The following ZC3H12B variants were observed in gnomAD, a reference collection of about 807,000 sequenced individuals.
ZC3H12B encodes zinc finger CCCH-type containing 12B, also known as probable ribonuclease ZC3H12B.
Under a neutral mutation model 43.9 loss-of-function variants are expected in ZC3H12B, and 7 were observed. The observed-to-expected ratio is 0.16, with a 90% confidence interval of 0.09 to 0.30. The LOEUF (loss-of-function observed/expected upper bound fraction) is 0.30. Ranked by LOEUF, ZC3H12B falls within the 10% of genes least tolerant of loss-of-function variation. The pLI is 1.00. For synonymous variants in ZC3H12B, 222 were observed against 241.7 expected, an observed-to-expected ratio of 0.92 and a Z score of 0.76; for missense variants, 475 against 670.2, an observed-to-expected ratio of 0.71 and a Z score of 3.22.
intron 3 of ZC3H12B, among the ~76,000 whole-genome samples, chrX:65,454,620 G>A (rs1310331147): frequency 1.8e-5 from 2 of 111,909 alleles, no homozygotes; most frequent in Non-Finnish European, 3.8e-5. Context: ...CTGACAGCTT[G>A]GAAGAGAGTA....
the ZC3H12B span, among the ~76,000 whole-genome samples, chrX:65,099,835 G>A: frequency 1.4e-3 from 156 of 111,531 alleles, 4 homozygotes; most frequent in East Asian, 0.043. Context: ...TCCTCCAAAT[G>A]ATTGCAACTC....
In ZC3H12B at chrX:65,465,913, CAT is replaced by C. The variant is rs1207068129; in HGVS notation, n.408-22724_408-22723del. Among the ~76,000 whole-genome samples the C allele has an allele frequency of 1.0e-4, 11 of 109,370 alleles. No individual in the cohort carries two copies. In the Admixed American group the frequency reaches 1.1e-3, roughly 11 times the overall value. 95.0% of individuals were successfully genotyped at this position (109,370 alleles called of 115,157 possible). A position where few individuals can be genotyped will look rare whatever the true frequency, so the allele number is the denominator to read the frequency against. On this transcript the variant is annotated intron_variant and non_coding_transcript_variant, in intron 3 of 5. Coordinates refer to the ZC3H12B transcript ENST00000617377. ...ATATATTTTTTTGATATAATATATT[CAT>C]ATATATATGTACACACACATTGTAA... is the stretch of plus-strand genomic sequence containing the variant.
the ZC3H12B span, among the ~76,000 whole-genome samples, chrX:65,303,352 G>A: frequency 3.9e-4 from 43 of 110,885 alleles, no homozygotes; most frequent in African/African-American, 4.9e-4. Flanking sequence ...GTGTACCGCC[G>A]AACCTAAAAT....
chrX:65,115,431 A>T, the ZC3H12B span, among the ~76,000 whole-genome samples: 1 of 111,252 alleles, frequency 9.0e-6, no homozygotes, highest in African/African-American at 3.3e-5. Flanking sequence ...TATATTTACC[A>T]CATTTTCTTT....
intron 3 of ZC3H12B, among the ~76,000 whole-genome samples, chrX:65,411,009 A>G (rs1027856432): frequency 4.4e-5 from 5 of 112,546 alleles, no homozygotes; most frequent in Non-Finnish European, 7.5e-5. Flanking sequence ...CTGCACTCCC[A>G]TGTTTATGGC....
intron 3 of ZC3H12B, among the ~76,000 whole-genome samples, chrX:65,460,328 T>A (rs944777517): frequency 9.8e-5 from 11 of 111,819 alleles, no homozygotes; most frequent in Non-Finnish European, 1.9e-4. Context: ...AAGCTACCAA[T>A]GACTTTCTTC....
the ZC3H12B span, among the ~76,000 whole-genome samples, chrX:65,298,418 G>A: frequency 1.4e-4 from 16 of 112,098 alleles, no homozygotes; most frequent in Non-Finnish European, 2.8e-4. Context: ...GAAATTCATA[G>A]CATTGAATGC....
the ZC3H12B span, among the ~76,000 whole-genome samples, chrX:65,340,840 G>A: frequency 2.7e-5 from 3 of 112,162 alleles, no homozygotes; most frequent in Admixed American, 9.4e-5. Flanking sequence ...TCCAGCAAGG[G>A]TTCTGAACAA....
At chrX:65,094,074 GTTGT>G in the ZC3H12B span, among the ~76,000 whole-genome samples, 2 of 109,986 alleles carry the variant, frequency 1.8e-5, no homozygotes, top group Non-Finnish European at 3.8e-5. Flanking sequence ...ATGAGATCTG[GTTGT>G]TTGTTTAAAA....
chrX:65,444,662 G>C (rs80351509), intron 3 of ZC3H12B, among the ~76,000 whole-genome samples: 11 of 111,964 alleles, frequency 9.8e-5, no homozygotes, highest in African/African-American at 3.6e-4. Flanking sequence ...TTACTGAAAA[G>C]ACACCTGAAA....
At chrX:65,335,524 G>T in the ZC3H12B span, among the ~76,000 whole-genome samples, 2 of 111,522 alleles carry the variant, frequency 1.8e-5, no homozygotes, top group African/African-American at 6.5e-5. Context: ...ACAAAATCTA[G>T]ACTCCTCAAA....
At chrX:65,480,957 A>G (rs750858216) in intron 3 of ZC3H12B, among the ~76,000 whole-genome samples, 9 of 111,794 alleles carry the variant, frequency 8.1e-5, no homozygotes, top group Non-Finnish European at 1.3e-4. Context: ...GAAAGCAAAG[A>G]TACAAACATG....
At chrX:65,182,106 C>T in the ZC3H12B span, among the ~76,000 whole-genome samples, 1 of 111,361 alleles carries the variant, frequency 9.0e-6, no homozygotes, top group African/African-American at 3.3e-5. Context: ...TTTGCCTGGA[C>T]ATGGATGAAG....
the ZC3H12B span, among the ~76,000 whole-genome samples, chrX:65,273,354 A>G: frequency 9.0e-6 from 1 of 111,268 alleles, no homozygotes; most frequent in Non-Finnish European, 1.9e-5. Flanking sequence ...ACTAGATCAA[A>G]CAGAAGAAAT....
chrX:65,124,772 T>G, the ZC3H12B span, among the ~76,000 whole-genome samples: 6 of 111,099 alleles, frequency 5.4e-5, no homozygotes, highest in African/African-American at 2.0e-4. Context: ...TATTTGCATG[T>G]AAAGGTGTTA....
At chrX:65,384,770 C>T (rs935813513) in intron 2 of ZC3H12B, among the ~76,000 whole-genome samples, 2 of 112,020 alleles carry the variant, frequency 1.8e-5, no homozygotes, top group African/African-American at 6.5e-5. Flanking sequence ...GAGAAACAGA[C>T]TTCCCTTGTA....
chrX:65,217,880 T>C, the ZC3H12B span, among the ~76,000 whole-genome samples: 1 of 111,553 alleles, frequency 9.0e-6, no homozygotes, highest in African/African-American at 3.3e-5. Flanking sequence ...GGGTAGAAAC[T>C]TTATTCAAAT....
chrX:65,502,970 C>G, exon 5 of ZC3H12B: 1 of 1,211,466 alleles, frequency 8.3e-7, no homozygotes. Context: ...ATGTTATGAG[C>G]CAGTCATGGT....
the ZC3H12B span, among the ~76,000 whole-genome samples, chrX:65,156,347 C>T: frequency 2.7e-5 from 3 of 111,259 alleles, no homozygotes; most frequent in African/African-American, 9.8e-5. Flanking sequence ...ACTATCAGCA[C>T]ATGCTGCCAC....
Sources: allele counts gnomAD v4.1 joint callset (sites outside exome capture counted in the v4.1 genomes callset), GRCh38; gene constraint gnomAD v4.1.1; transcripts MANE v1.5; gene names NCBI Gene and HGNC (gene_info 2026-07-23, HGNC 2026-07-21).